The following ARHGAP24 variants were observed in gnomAD, a reference collection of about 807,000 sequenced individuals.
ARHGAP24 encodes rho GTPase-activating protein 24.
ARHGAP24 carries 50 observed loss-of-function variants against 76.4 expected under a neutral mutation model. The observed-to-expected ratio is 0.65, with a 90% confidence interval of 0.52 to 0.83. ARHGAP24 has a LOEUF of 0.83. ARHGAP24 is among the 40% of genes least tolerant of loss of function. ARHGAP24 has a pLI of 0.00. For synonymous variants in ARHGAP24, 345 were observed against 323.3 expected, an observed-to-expected ratio of 1.07 and a Z score of -0.72; for missense variants, 930 against 914.2, an observed-to-expected ratio of 1.02 and a Z score of -0.22.
chr4:85,623,699 G>A (rs970079910), intron 2 of ARHGAP24, among the ~76,000 whole-genome samples: 16 of 151,638 alleles, frequency 1.1e-4, no homozygotes, highest in Admixed American at 5.3e-4. Flanking sequence ...CCATTTTCAC[G>A]ATATTGATTC....
chr4:85,700,631 T>G (rs1470216612), intron 2 of ARHGAP24, among the ~76,000 whole-genome samples: 1 of 152,088 alleles, frequency 6.6e-6, no homozygotes. Flanking sequence ...TAGTTCTGTT[T>G]GTGGTCACTT....
intron 2 of ARHGAP24, among the ~76,000 whole-genome samples, chr4:85,695,703 A>G (rs1723841591): frequency 6.6e-6 from 1 of 152,206 alleles, no homozygotes; most frequent in Non-Finnish European, 1.5e-5. Flanking sequence ...AATAAATTAG[A>G]GATGAATGTT....
chr4:85,996,582 T>C (rs949125280), intron 9 of ARHGAP24, among the ~76,000 whole-genome samples: 28 of 152,216 alleles, frequency 1.8e-4, no homozygotes, highest in Admixed American at 1.8e-3. Flanking sequence ...TAACGTACTT[T>C]CAGAAGCTAT....
rs112077198 is a variant in ARHGAP24 at position 85,590,083 on chromosome 4, A to G, written c.180+19362A>G. ...ACAAGACAGTGAATTCGTAACACAA[A>G]GATGCTAATGTTTAGCAAATGATTG... On this transcript the variant is annotated intron_variant, in intron 2 of 9. Transcript: ENST00000395184. 6.5e-3 allele frequency among the ~76,000 whole-genome samples: 991 copies of G among 152,332 alleles called. 14 individuals are homozygous for G. The highest frequency in any genetic ancestry group is 0.023 in the African/African-American group (946 of 41,576).
At chr4:85,854,524 G>T (rs928409332) in intron 3 of ARHGAP24, among the ~76,000 whole-genome samples, 1 of 152,152 alleles carries the variant, frequency 6.6e-6, no homozygotes, top group African/African-American at 2.4e-5. Context: ...AATTGAAAGT[G>T]ATATTAAACA....
chr4:85,980,341 C>T (rs749315917), intron 8 of ARHGAP24, among the ~76,000 whole-genome samples: 3 of 152,174 alleles, frequency 2.0e-5, no homozygotes, highest in Non-Finnish European at 2.9e-5. Context: ...ATTATAACTA[C>T]AGGGTTTTTA....
chr4:85,950,844 T>C (rs937481491), intron 5 of ARHGAP24, among the ~76,000 whole-genome samples: 2 of 151,882 alleles, frequency 1.3e-5, no homozygotes, highest in Non-Finnish European at 1.5e-5. Context: ...CTAATTTTTG[T>C]ATTTTATTTT....
At chr4:85,476,450 C>G (rs1486215077) in intron 1 of ARHGAP24, among the ~76,000 whole-genome samples, 2 of 152,088 alleles carry the variant, frequency 1.3e-5, no homozygotes, top group African/African-American at 2.4e-5. Context: ...TCCACGGCAT[C>G]ATTGTTTCAT....
chr4:85,844,302 G>T (rs1730753295), intron 3 of ARHGAP24, among the ~76,000 whole-genome samples: 2 of 152,304 alleles, frequency 1.3e-5, no homozygotes, highest in East Asian at 3.9e-4. Flanking sequence ...CCAGGTTCCT[G>T]GCTGAACTGT....
intron 3 of ARHGAP24, among the ~76,000 whole-genome samples, chr4:85,896,789 A>G (rs1048358024): frequency 6.6e-6 from 1 of 152,010 alleles, no homozygotes; most frequent in Non-Finnish European, 1.5e-5. Flanking sequence ...CATAAATGTG[A>G]TATTCTGTCT....
At chr4:85,591,137 C>T (rs980606570) in intron 2 of ARHGAP24, among the ~76,000 whole-genome samples, 2 of 142,036 alleles carry the variant, frequency 1.4e-5, no homozygotes, top group African/African-American at 2.6e-5. Flanking sequence ...CTCTGCCTCC[C>T]GGGTTCAAGC....
chr4:85,777,381 T>C, intron 3 of ARHGAP24, among the ~76,000 whole-genome samples: 1 of 152,208 alleles, frequency 6.6e-6, no homozygotes, highest in Non-Finnish European at 1.5e-5. Context: ...AGGCCTTGAA[T>C]GATCTGAGCA....
chr4:85,711,991 T>C (rs1236225536), intron 2 of ARHGAP24, among the ~76,000 whole-genome samples: 1 of 152,208 alleles, frequency 6.6e-6, no homozygotes, highest in Non-Finnish European at 1.5e-5. Flanking sequence ...TGTTTCATAA[T>C]GAGACACAAA....
At chr4:85,711,142 A>G (rs1240197214) in intron 2 of ARHGAP24, among the ~76,000 whole-genome samples, 2 of 152,194 alleles carry the variant, frequency 1.3e-5, no homozygotes, top group Non-Finnish European at 2.9e-5. Flanking sequence ...AAACTAATGC[A>G]GGAGCAGAAA....
chr4:85,768,365 T>C (rs1181886027), intron 3 of ARHGAP24, among the ~76,000 whole-genome samples: 2 of 152,060 alleles, frequency 1.3e-5, no homozygotes, highest in African/African-American at 4.8e-5. Context: ...AGAGTGATAA[T>C]ACAGCAGGAA....
intron 3 of ARHGAP24, among the ~76,000 whole-genome samples, chr4:85,859,628 T>G: frequency 6.6e-6 from 1 of 152,160 alleles, no homozygotes; most frequent in East Asian, 1.9e-4. Flanking sequence ...AAGCCCATGC[T>G]AATAGCTACT....
chr4:85,976,004 G>C (rs1199897920), intron 7 of ARHGAP24, among the ~76,000 whole-genome samples: 1 of 152,174 alleles, frequency 6.6e-6, no homozygotes, highest in African/African-American at 2.4e-5. Flanking sequence ...TGACACCTTA[G>C]ACTTATTAAT....
intron 6 of ARHGAP24, 42 bp downstream of exon 6, chr4:85,972,210 AT>A (rs774031609): frequency 2.3e-5 from 37 of 1,609,304 alleles, no homozygotes; most frequent in East Asian, 8.9e-5. Context: ...TTTGTTTGGA[AT>A]TTTTTTCTGT....
intron 2 of ARHGAP24, among the ~76,000 whole-genome samples, chr4:85,672,200 GA>G (rs983771879): frequency 1.8e-4 from 27 of 152,268 alleles, no homozygotes; most frequent in Middle Eastern, 6.8e-3. Flanking sequence ...AACATTGAGA[GA>G]AAATCTGAGT....
Sources: gnomAD v4.1 joint callset for allele counts (sites outside exome capture counted in the v4.1 genomes callset) on GRCh38, gnomAD v4.1.1 for gene constraint, MANE v1.5 for transcripts, NCBI Gene and HGNC (gene_info 2026-07-23, HGNC 2026-07-21) for gene names.